The following MIPEP variants were observed in gnomAD, a reference collection of about 807,000 sequenced individuals.
MIPEP encodes the protein mitochondrial intermediate peptidase.
MIPEP carries 79 observed loss-of-function variants against 90.3 expected under a neutral mutation model. The observed-to-expected ratio is 0.87, with a 90% confidence interval of 0.73 to 1.05. The LOEUF is 1.05. MIPEP is among the 50% of genes least tolerant of loss of function. MIPEP has a pLI of 0.00. For missense variants in MIPEP, 940 were observed against 905.6 expected (o/e 1.04, Z -0.49); for synonymous variants, 334 against 315.8 (o/e 1.06, Z -0.61).
chr13:23,889,270 C>T lies in MIPEP; in HGVS notation c.51G>A (p.Leu17=), dbSNP rs1302534963. Residue 17 remains leucine (L), a synonymous_variant, in exon 1 of 19, where the codon CTG becomes CTA. Transcript: ENST00000382172. ...TTCCCCGGCCCGCCCGGCGGGGCGGCAGAGCTGCTGCTCTGGCTCCCAAGC... is the reference window on the plus strand; with the variant it reads ...TTCCCCGGCCCGCCCGGCGGGGCGGTAGAGCTGCTGCTCTGGCTCCCAAGC... ...LGGLGARAAA[L]PPRRAGRGSL... 5.8e-6 allele frequency: 8 copies of T among 1,383,386 alleles called. No homozygotes were observed. In the South Asian group the frequency reaches 8.3e-5, roughly 14 times the overall value. The allele number at this position is 1,383,386 out of a possible 1,614,324, so 85.7% of individuals were successfully genotyped here.
intron 16 of MIPEP, among the ~76,000 whole-genome samples, chr13:23,805,037 G>A (rs985173410): frequency 6.6e-6 from 1 of 152,118 alleles, no homozygotes; most frequent in Non-Finnish European, 1.5e-5. Context: ...CATTTCTAAC[G>A]ACATTGTGGG....
At chr13:23,889,015 G>T in intron 1 of MIPEP, 117 bp downstream of exon 1, 1 of 974,352 alleles carries the variant, frequency 1.0e-6, no homozygotes, top group Non-Finnish European at 1.4e-6. Context: ...GTAAAAGGTG[G>T]GTTCGCTGCT....
chr13:23,759,914 AAG>A (rs1952522259), intron 17 of MIPEP, among the ~76,000 whole-genome samples, 180 bp downstream of exon 17: 1 of 152,110 alleles, frequency 6.6e-6, no homozygotes, highest in Admixed American at 6.5e-5. Flanking sequence ...CAGCTGCGGG[AAG>A]CAGGAGCAAG....
chr13:23,871,066 A>T (rs943199698), intron 5 of MIPEP, among the ~76,000 whole-genome samples: 1 of 152,128 alleles, frequency 6.6e-6, no homozygotes, highest in Admixed American at 6.5e-5. Flanking sequence ...CATGTGCTTG[A>T]GCTGCTACAG....
intron 18 of MIPEP, among the ~76,000 whole-genome samples, chr13:23,753,543 G>T (rs1952462926): frequency 6.6e-6 from 1 of 152,180 alleles, no homozygotes. Flanking sequence ...GTTAAGTAAT[G>T]GAAAACTTCT....
rs1364130417 is a variant in MIPEP at position 23,887,573 on chromosome 13, A to C, written c.190-1067T>G. ...CTGTTTGAAAGTCTTCTCTCCTGAA[A>C]AGGTGAGCTTCCAGACCCAAGAGCC... is the stretch of plus-strand genomic sequence containing the variant. On this transcript the variant is annotated intron_variant, in intron 1 of 18. Transcript: ENST00000382172. Among the ~76,000 whole-genome samples the C allele has an allele frequency of 2.8e-4, 42 of 152,170 alleles. 1 individual carries two copies. The highest frequency in any genetic ancestry group is 2.9e-5 in the Non-Finnish European group (2 of 68,024).
At chr13:23,819,842 C>G (rs1297280083) in intron 14 of MIPEP, among the ~76,000 whole-genome samples, 1 of 152,116 alleles carries the variant, frequency 6.6e-6, no homozygotes, top group Non-Finnish European at 1.5e-5. Flanking sequence ...AACCCCATCT[C>G]TACTAGAAAT....
At position 23,806,067 on chromosome 13, in the gene MIPEP, G is replaced by T. The variant is rs1160511527; in HGVS notation, c.1731C>A (p.Val577=). 6.2e-7 allele frequency: 1 copy of T among 1,613,678 alleles called. No individual in the cohort carries two copies. Among genetic ancestry groups the T allele is most frequent in the East Asian group, 2.2e-5 (1 of 44,840 alleles). Residue 577 remains valine (V), a splice_region_variant and synonymous_variant, in exon 16 of 19, where the codon GTC becomes GTA. Coordinates refer to ENST00000382172, the MANE Select transcript of MIPEP (RefSeq NM_005932.4). ...VCAAADMQLQ[V]FYATLDQIYH... ...AGATTTGATCCAGAGTGGCATAAAA[G>T]ACCTAGATAGATAAAAACATCTACT...
At chr13:23,788,786 T>G (rs1335726813) in intron 16 of MIPEP, among the ~76,000 whole-genome samples, 1 of 152,250 alleles carries the variant, frequency 6.6e-6, no homozygotes, top group Non-Finnish European at 1.5e-5. Flanking sequence ...TTTATTCCTT[T>G]AGAACAAATT....
At chr13:23,782,317 A>T (rs1214360181) in intron 16 of MIPEP, among the ~76,000 whole-genome samples, 1 of 152,238 alleles carries the variant, frequency 6.6e-6, no homozygotes, top group Non-Finnish European at 1.5e-5. Context: ...AAAACTGCTC[A>T]ACTACATGGA....
intron 9 of MIPEP, among the ~76,000 whole-genome samples, chr13:23,860,089 AGAG>A (rs1870223302): frequency 6.6e-6 from 1 of 152,240 alleles, no homozygotes; most frequent in Non-Finnish European, 1.5e-5. Flanking sequence ...GACAAAAACA[AGAG>A]GATGATAGCC....
chr13:23,811,248 T>C (rs1271108522), intron 14 of MIPEP, among the ~76,000 whole-genome samples: 1 of 152,212 alleles, frequency 6.6e-6, no homozygotes, highest in Non-Finnish European at 1.5e-5. Context: ...CAAGTTTTAA[T>C]AATTTTTACA....
chr13:23,877,158 A>G (rs935795839), intron 4 of MIPEP, among the ~76,000 whole-genome samples: 2 of 152,228 alleles, frequency 1.3e-5, no homozygotes, highest in Admixed American at 6.5e-5. Flanking sequence ...CTATTCTGGC[A>G]TATTTATTCT....
intron 18 of MIPEP, among the ~76,000 whole-genome samples, chr13:23,739,895 A>C (rs1952306905): frequency 6.6e-6 from 1 of 152,246 alleles, no homozygotes; most frequent in Non-Finnish European, 1.5e-5. Context: ...TTCTGTTCTG[A>C]GGAACTTCAT....
At chr13:23,737,296 T>C (rs1193522568) in intron 18 of MIPEP, among the ~76,000 whole-genome samples, 1 of 152,210 alleles carries the variant, frequency 6.6e-6, no homozygotes, top group Admixed American at 6.5e-5. Context: ...CAGGCACTCA[T>C]GTAACGACCA....
intron 7 of MIPEP, among the ~76,000 whole-genome samples, chr13:23,865,404 ATACT>A (rs1870486876): frequency 6.6e-6 from 1 of 152,240 alleles, no homozygotes; most frequent in Non-Finnish European, 1.5e-5. Context: ...GCCACTGTCA[ATACT>A]TAACAAGTCC....
chr13:23,835,626 CG>C (rs1869002409), intron 14 of MIPEP, among the ~76,000 whole-genome samples: 1 of 152,166 alleles, frequency 6.6e-6, no homozygotes, highest in Non-Finnish European at 1.5e-5. Context: ...AGGGAAAGAA[CG>C]CATCTTCCAA....
chr13:23,844,353 G>A (rs1280041073), intron 10 of MIPEP, among the ~76,000 whole-genome samples: 1 of 152,088 alleles, frequency 6.6e-6, no homozygotes, highest in African/African-American at 2.4e-5. Context: ...CACATGAGGA[G>A]GTTGAAAGTC....
intron 16 of MIPEP, among the ~76,000 whole-genome samples, chr13:23,777,995 G>C (rs1952736510): frequency 6.6e-6 from 1 of 152,194 alleles, no homozygotes; most frequent in African/African-American, 2.4e-5. Flanking sequence ...ACTATCATTT[G>C]ATTTATAGAC....
Sources: gnomAD v4.1 joint callset for allele counts (sites outside exome capture counted in the v4.1 genomes callset) on GRCh38, gnomAD v4.1.1 for gene constraint, MANE v1.5 for transcripts, NCBI Gene and HGNC (gene_info 2026-07-23, HGNC 2026-07-21) for gene names.